Variants in LRP2 observed in about 807,000 individuals in gnomAD.
LRP2 encodes the protein low-density lipoprotein receptor-related protein 2.
In LRP2, 172 loss-of-function variants were observed where a neutral mutation model predicts 531.0. The ratio of observed to expected loss-of-function variants is 0.32; its 90% CI spans 0.29 to 0.37. LRP2 has a LOEUF of 0.37. Among genes scored for constraint, LRP2 ranks in the 10% least tolerant of loss-of-function variants. The probability of loss-of-function intolerance (pLI) is 1.00; values close to 1 mark genes in which losing one functional copy is unlikely to be tolerated. For missense variants in LRP2, 5,167 were observed against 5,868.3 expected (o/e 0.88, Z 3.90); for synonymous variants, 1,992 against 2,027.6 (o/e 0.98, Z 0.47).
At chr2:169,216,125 G>T (rs1688779469) in intron 35 of LRP2, 128 bp downstream of exon 35, 1 of 954,336 alleles carries the variant, frequency 1.0e-6, no homozygotes, top group Non-Finnish European at 1.6e-6. Flanking sequence ...TGGGAGAAGG[G>T]GCAATGAAAC....
intron 61 of LRP2, 127 bp downstream of exon 61, chr2:169,168,412 A>G (rs1208700842): frequency 8.6e-7 from 1 of 1,162,374 alleles, no homozygotes; most frequent in Non-Finnish European, 1.3e-6. Context: ...AATAACACCA[A>G]CGCTGATCCT....
At position 169,241,337 on chromosome 2, in the gene LRP2, T is replaced by C; in HGVS notation, c.3696A>G (p.Ser1232=). 6.2e-7 allele frequency: 1 copy of C among 1,614,208 alleles called. No individual in the cohort carries two copies. Among genetic ancestry groups the C allele is most frequent in the Non-Finnish European group, 8.5e-7 (1 of 1,180,040 alleles). ...CPTRPPGMCH[S]DEFQCQEDGI... ...CATCTTCTTGGCACTGAAATTCATC[T>C]GAGTGGCACATACCAGGAGGCCTGG... The change falls in exon 25 of 79, where the codon TCA becomes TCG. Residue 1232 remains serine, a synonymous_variant. Coordinates refer to ENST00000649046, the MANE Select transcript of LRP2 (RefSeq NM_004525.3).
At chr2:169,286,269 A>C (rs1290238325) in intron 9 of LRP2, among the ~76,000 whole-genome samples, 1 of 152,246 alleles carries the variant, frequency 6.6e-6, no homozygotes, top group African/African-American at 2.4e-5. Flanking sequence ...AGGCCCTCAA[A>C]TGTAGACTTT....
At chr2:169,168,712 T>C in intron 60 of LRP2, 36 bp from the exon 61 acceptor site, 2 of 1,611,700 alleles carry the variant, frequency 1.2e-6, no homozygotes, top group South Asian at 1.1e-5. Context: ...CAAATTATTA[T>C]ACAAATTGAC....
chr2:169,358,909 A>AG (rs1020995718), intron 1 of LRP2, among the ~76,000 whole-genome samples: 7 of 151,030 alleles, frequency 4.6e-5, no homozygotes, highest in South Asian at 2.1e-4. Context: ...AAAAAAAAAA[A>AG]AAAAAAAGAA....
chr2:169,294,383 G>C, intron 5 of LRP2, 122 bp from the exon 6 acceptor site: 2 of 780,116 alleles, frequency 2.6e-6, no homozygotes, highest in Non-Finnish European at 4.6e-6. Flanking sequence ...TGGTGTGCTG[G>C]TAACTGTTTA....
chr2:169,280,324 A>G (rs1321586629), intron 11 of LRP2, 26 bp downstream of exon 11: 1 of 1,613,814 alleles, frequency 6.2e-7, no homozygotes, highest in Admixed American at 1.7e-5. Flanking sequence ...TCAGGGTTCC[A>G]TTCAGCTACT....
chr2:169,197,597 A>T (rs138247191), intron 45 of LRP2, among the ~76,000 whole-genome samples: 1 of 152,228 alleles, frequency 6.6e-6, no homozygotes, highest in Non-Finnish European at 1.5e-5. Flanking sequence ...AGCTCTGGTT[A>T]TATGCATTTT....
At chr2:169,165,828 G>T in intron 62 of LRP2, 104 bp downstream of exon 62, 1 of 1,391,988 alleles carries the variant, frequency 7.2e-7, no homozygotes, top group Non-Finnish European at 1.0e-6. Context: ...TGCAGTCATG[G>T]GCACAACTCT....
In LRP2 at chr2:169,188,211, G is replaced by A. The variant is rs748314661; in HGVS notation, c.9087C>T (p.Tyr3029=). 5.0e-6 allele frequency: 8 copies of A among 1,614,002 alleles called. No homozygotes were observed. The highest frequency in any genetic ancestry group is 1.1e-5 in the South Asian group (1 of 91,082). Residue 3029 remains tyrosine, a synonymous_variant, in exon 49 of 79, where the codon TAC becomes TAT. Coordinates refer to ENST00000649046, the MANE Select transcript of LRP2 (RefSeq NM_004525.3). The part of the protein sequence containing the change: ...GDYSDERGCL[Y]QTCQQNQFTC... ...TAAACTGATTCTGTTGGCAAGTCTGGTATAAGCAGCCCCTCTCGTCGCTAT... is the reference window on the plus strand; with the variant it reads ...TAAACTGATTCTGTTGGCAAGTCTGATATAAGCAGCCCCTCTCGTCGCTAT...
Position 169,279,502 on chromosome 2 carries a change from T to G in LRP2, c.1435A>C (p.Asn479His), listed in dbSNP as rs771749233. The G allele has an allele frequency of 7.3e-5, 118 of 1,613,784 alleles. No homozygotes were observed. Among genetic ancestry groups the G allele is most frequent in the Non-Finnish European group, 9.2e-5 (109 of 1,179,808 alleles). ...PENLAVDWVN[N>H]KIYLVETKVN... is the part of the protein sequence containing the mutation. ...TTGGTTTCCACTAGATAGATTTTAT[T>G]ATTAACCCAGTCCACAGCCAGGTTC... Residue 479 changes from asparagine to histidine, a missense_variant, in exon 12 of 79, where the codon AAT (asparagine) becomes CAT (histidine). Asn to His is a moderately conservative substitution (Grantham distance 68). Transcript: ENST00000649046.
At chr2:169,240,851 C>T in intron 25 of LRP2, 137 bp downstream of exon 25, 1 of 977,254 alleles carries the variant, frequency 1.0e-6, no homozygotes, top group South Asian at 1.3e-5. Flanking sequence ...TATGGTTACC[C>T]CCTACACAGA....
rs925936001 is a variant in LRP2 at position 169,320,782 on chromosome 2, C to A, written c.182G>T (p.Gly61Val). 3.1e-6 allele frequency: 5 copies of A among 1,613,792 alleles called. No individual in the cohort carries two copies. The highest frequency in any genetic ancestry group is 4.2e-6 in the Non-Finnish European group (5 of 1,179,798). ...KDCSDDADEI[G>V]CAVVTCQQGY... ...CCTGGCCCCTCCTCACTTACCGCAG[C>A]CAATTTCATCCGCGTCATCTGAACA... The change falls in exon 2 of 79, where the codon GGC (glycine) becomes GTC (valine). Residue 61 changes from glycine to valine, a missense_variant. Gly to Val is a moderately radical substitution (Grantham distance 109). This residue lies in a region of LRP2 where 2,811 missense variants were observed against 3,058.0 expected (regional missense o/e 0.92). Coordinates refer to ENST00000649046, the MANE Select transcript of LRP2 (RefSeq NM_004525.3).
chr2:169,175,322 G>A lies in LRP2; in HGVS notation c.10639C>T (p.Leu3547Phe). The change falls in exon 55 of 79, where the codon CTT (leucine) becomes TTT (phenylalanine). Residue 3547 changes from leucine (L) to phenylalanine (F), a missense_variant. Physicochemically the swap from Leu to Phe is conservative, Grantham distance 22. Transcript: ENST00000649046. ...AGTCGGCAGAAGCGCTGCGGGCAAAGGGCCAGTTCATCAGAGCCATCTGAG... is the reference window on the plus strand; with the variant it reads ...AGTCGGCAGAAGCGCTGCGGGCAAAAGGCCAGTTCATCAGAGCCATCTGAG... ...DCSDGSDELA[L>F]CPQRFCRLGQ... 6.2e-7 allele frequency: 1 copy of A among 1,614,200 alleles called. No homozygotes were observed. Among genetic ancestry groups the A allele is most frequent in the Non-Finnish European group, 8.5e-7 (1 of 1,180,032 alleles).
At chr2:169,212,301 C>A in intron 36 of LRP2, 94 bp from the exon 37 acceptor site, 2 of 1,517,842 alleles carry the variant, frequency 1.3e-6, no homozygotes, top group Non-Finnish European at 9.1e-7. Context: ...ATAATTTATT[C>A]TAAAAATTAA....
intron 38 of LRP2, 131 bp downstream of exon 38, chr2:169,209,322 T>C (rs1688509405): frequency 1.3e-6 from 1 of 790,816 alleles, no homozygotes; most frequent in East Asian, 2.5e-5. Context: ...CTAGATTCAA[T>C]GTATCTTAAA....
intron 63 of LRP2, among the ~76,000 whole-genome samples, chr2:169,160,920 T>G (rs1241600142): frequency 6.6e-6 from 1 of 152,232 alleles, no homozygotes; most frequent in African/African-American, 2.4e-5. Flanking sequence ...TATGGCTGGT[T>G]ATTCATACCT....
At chr2:169,233,673 G>C (rs1574161063) in intron 29 of LRP2, 85 bp from the exon 30 acceptor site, 1 of 1,210,444 alleles carries the variant, frequency 8.3e-7, no homozygotes, top group East Asian at 2.4e-5. Flanking sequence ...TGCTCAAGAA[G>C]ACGGTTTCCT....
intron 1 of LRP2, among the ~76,000 whole-genome samples, chr2:169,328,460 A>AAAT (rs1685181401): frequency 1.3e-5 from 2 of 148,300 alleles, no homozygotes. Flanking sequence ...AAAAAAAAAA[A>AAAT]AAAAGAAAAA....
Sources: allele counts gnomAD v4.1 joint callset (sites outside exome capture counted in the v4.1 genomes callset), GRCh38; gene constraint gnomAD v4.1.1; regional missense constraint gnomAD v4.1.1; transcripts MANE v1.5; gene names NCBI Gene and HGNC (gene_info 2026-07-23, HGNC 2026-07-21).